The following ECPAS variants were observed in gnomAD, a reference collection of about 807,000 sequenced individuals.
ECPAS encodes Ecm29 proteasome adaptor and scaffold.
Under a neutral mutation model 255.1 loss-of-function variants are expected in ECPAS, and 70 were observed. The ratio of observed to expected loss-of-function variants is 0.27; its 90% CI spans 0.23 to 0.33. The LOEUF is 0.33. Among genes scored for constraint, ECPAS ranks in the 10% least tolerant of loss-of-function variants. ECPAS has a pLI of 1.00. For missense variants in ECPAS, 1,817 were observed against 2,206.4 expected, an observed-to-expected ratio of 0.82 and a Z score of 3.54; for synonymous variants, 784 against 775.0, an observed-to-expected ratio of 1.01 and a Z score of -0.19.
intron 5 of ECPAS, among the ~76,000 whole-genome samples, 158 bp downstream of exon 5, chr9:111,442,148 C>T (rs960001223): frequency 2.6e-5 from 4 of 152,182 alleles, no homozygotes; most frequent in African/African-American, 4.8e-5. Flanking sequence ...ATTAACAAAA[C>T]GGTAACTTTG....
chr9:111,428,357 TA>T (rs2098224758), intron 9 of ECPAS, among the ~76,000 whole-genome samples, 196 bp from the exon 10 acceptor site: 1 of 152,158 alleles, frequency 6.6e-6, no homozygotes, highest in South Asian at 2.1e-4. Flanking sequence ...TACGGGAAAT[TA>T]AAACTGAGAA....
chr9:111,416,628 T>C (rs1041768694), intron 17 of ECPAS, among the ~76,000 whole-genome samples: 1 of 152,176 alleles, frequency 6.6e-6, no homozygotes, highest in Non-Finnish European at 1.5e-5. Flanking sequence ...CTCAGGTCAC[T>C]GCATGCCAGT....
chr9:111,361,479 G>A lies in ECPAS; in HGVS notation c.*551C>T, dbSNP rs1474175542. The stretch of plus-strand genomic sequence containing the variant: ...GCCACCCTAAACGTACCTCATCTTG[G>A]AAGTTTCTTGGGTAAGCCGGGGTTA... On this transcript the variant is annotated 3_prime_UTR_variant, in exon 50 of 50. Coordinates refer to ENST00000684092, the MANE Select transcript of ECPAS (RefSeq NM_001364929.1). 6.6e-6 allele frequency: 1 copy of A among 152,402 alleles called. No individual in the cohort carries two copies. Among genetic ancestry groups the A allele is most frequent in the Middle Eastern group, 3.4e-3 (1 of 294 alleles). 9.4% of individuals were successfully genotyped at this position (152,402 alleles called of 1,614,324 possible).
intron 8 of ECPAS, among the ~76,000 whole-genome samples, chr9:111,430,840 T>C (rs1589189117): frequency 6.6e-6 from 1 of 152,194 alleles, no homozygotes; most frequent in African/African-American, 2.4e-5. Context: ...AAATCACTTA[T>C]CCCACCCAGA....
At chr9:111,456,008 A>G (rs956331706) in intron 2 of ECPAS, among the ~76,000 whole-genome samples, 1 of 152,156 alleles carries the variant, frequency 6.6e-6, no homozygotes, top group African/African-American at 2.4e-5. Flanking sequence ...ATATTTACCT[A>G]TGTTTTCTTT....
chr9:111,371,873 T>G, intron 42 of ECPAS, 44 bp from the exon 43 acceptor site: 1 of 1,519,426 alleles, frequency 6.6e-7, no homozygotes, highest in Non-Finnish European at 9.0e-7. Flanking sequence ...ACAAGAAAAA[T>G]TAACTGATTT....
chr9:111,430,337 A>G (rs374231000), intron 9 of ECPAS, among the ~76,000 whole-genome samples: 5 of 152,354 alleles, frequency 3.3e-5, no homozygotes, highest in African/African-American at 1.2e-4. Context: ...ACAGTTTGTC[A>G]TTGTTATTTA....
chr9:111,439,244 C>T lies in ECPAS; in HGVS notation c.539+1128G>A, dbSNP rs143189308. 2.6e-5 allele frequency among the ~76,000 whole-genome samples: 4 copies of T among 152,168 alleles called. No homozygotes were observed. The East Asian group carries it at 7.7e-4, about 29-fold the overall frequency. On this transcript the variant is annotated intron_variant, in intron 6 of 49. Coordinates refer to ENST00000684092, the MANE Select transcript of ECPAS (RefSeq NM_001364929.1). ...AGACAAACGGAGTTGACCTTTAAGCCAGTTTGGGATGCTTTTTTCTTTTTT... is the reference window on the plus strand; with the variant it reads ...AGACAAACGGAGTTGACCTTTAAGCTAGTTTGGGATGCTTTTTTCTTTTTT...
chr9:111,407,618 C>G (rs892348892), intron 24 of ECPAS, among the ~76,000 whole-genome samples: 17 of 152,004 alleles, frequency 1.1e-4, no homozygotes, highest in African/African-American at 4.1e-4. Context: ...AACTCTCTTA[C>G]TCGGGTGCCT....
chr9:111,472,849 G>T, intron 2 of ECPAS, 48 bp downstream of exon 2: 1 of 597,650 alleles, frequency 1.7e-6, no homozygotes, highest in South Asian at 2.1e-5. Flanking sequence ...ATTTTTAAAT[G>T]CTGCTACAAA....
At chr9:111,406,688 G>A (rs145761947) in intron 24 of ECPAS, among the ~76,000 whole-genome samples, 1 of 149,122 alleles carries the variant, frequency 6.7e-6, no homozygotes, top group East Asian at 2.0e-4. Flanking sequence ...AGGATCACTT[G>A]AGCCCAGGAG....
intron 4 of ECPAS, 109 bp downstream of exon 4, chr9:111,444,269 A>G (rs754541847): frequency 1.5e-6 from 1 of 653,730 alleles, no homozygotes. Context: ...TTTCATTTAG[A>G]AGTGGTCTAA....
intron 24 of ECPAS, among the ~76,000 whole-genome samples, chr9:111,400,262 A>G (rs1564518662): frequency 6.6e-6 from 1 of 152,236 alleles, no homozygotes; most frequent in Non-Finnish European, 1.5e-5. Context: ...ACACTCAGTC[A>G]TATTTGAATT....
chr9:111,399,548 G>A (rs1380349919), intron 24 of ECPAS, among the ~76,000 whole-genome samples: 1 of 152,214 alleles, frequency 6.6e-6, no homozygotes, highest in African/African-American at 2.4e-5. Context: ...GACCAAATCT[G>A]GGCCAGAGGG....
At chr9:111,393,511 G>A (rs1241142626) in intron 27 of ECPAS, among the ~76,000 whole-genome samples, 169 bp downstream of exon 27, 1 of 152,062 alleles carries the variant, frequency 6.6e-6, no homozygotes, top group Non-Finnish European at 1.5e-5. Context: ...AGAAATTTTG[G>A]TTTCTAAACA....
intron 17 of ECPAS, among the ~76,000 whole-genome samples, chr9:111,416,820 T>C (rs2098204346): frequency 6.6e-6 from 1 of 152,110 alleles, no homozygotes; most frequent in African/African-American, 2.4e-5. Context: ...TAGGAAGGTG[T>C]CCTCCGGCAA....
At position 111,411,231 on chromosome 9, in the gene ECPAS, T is replaced by C. The variant is rs1038923529; in HGVS notation, c.2215-89A>G. On this transcript the variant is annotated intron_variant, in intron 21 of 49. Coordinates refer to ENST00000684092, the MANE Select transcript of ECPAS (RefSeq NM_001364929.1). Reference sequence around the variant, plus strand: ...AGTAACTGTGTGTCGATTAGGATCATCTCTCCAACAAAACATAAGGCTAAA... The same window carrying C: ...AGTAACTGTGTGTCGATTAGGATCACCTCTCCAACAAAACATAAGGCTAAA... 4.6e-6 allele frequency: 6 copies of C among 1,300,638 alleles called. No individual in the cohort carries two copies. In the African/African-American group the frequency reaches 5.9e-5, roughly 13 times the overall value. 80.6% of individuals were successfully genotyped at this position (1,300,638 alleles called of 1,614,324 possible).
intron 2 of ECPAS, among the ~76,000 whole-genome samples, chr9:111,468,381 A>G (rs766279817): frequency 1.1e-4 from 16 of 152,194 alleles, no homozygotes; most frequent in Non-Finnish European, 2.4e-4. Flanking sequence ...TGCTCCTTCT[A>G]GCACACTAAA....
chr9:111,368,899 T>C, intron 46 of ECPAS, 136 bp downstream of exon 46: 1 of 830,950 alleles, frequency 1.2e-6, no homozygotes, highest in East Asian at 3.1e-5. Context: ...ACAAAAAACT[T>C]TCACTGGATA....
Sources: gnomAD v4.1 joint callset for allele counts (sites outside exome capture counted in the v4.1 genomes callset) on GRCh38, gnomAD v4.1.1 for gene constraint, MANE v1.5 for transcripts, NCBI Gene and HGNC (gene_info 2026-07-23, HGNC 2026-07-21) for gene names.